The following P2RY14 variants were observed in gnomAD, a reference collection of about 807,000 sequenced individuals.
The protein encoded by P2RY14 is purinergic receptor P2Y14.
P2RY14 carries 2 observed loss-of-function variants against 0.9 expected under a neutral mutation model. That is an observed-to-expected ratio of 2.16 (90% CI 0.88 to 6.79). P2RY14 has a LOEUF of 6.79. P2RY14 is among the 30% of genes most tolerant of loss of function. The probability of loss-of-function intolerance (pLI) is 0.05; values close to 1 mark genes in which losing one functional copy is unlikely to be tolerated. For synonymous variants in P2RY14, 158 were observed against 147.2 expected (o/e 1.07, Z -0.53); for missense variants, 378 against 400.1 (o/e 0.94, Z 0.47).
intron 1 of P2RY14, among the ~76,000 whole-genome samples, chr3:151,222,953 G>A (rs192007773): frequency 3.3e-5 from 5 of 152,182 alleles, no homozygotes; most frequent in South Asian, 2.1e-4. Context: ...TGGTCTCTTG[G>A]AAATGTAAAT....
At chr3:151,230,709 C>T (rs1470744084) in intron 1 of P2RY14, among the ~76,000 whole-genome samples, 3 of 151,956 alleles carry the variant, frequency 2.0e-5, no homozygotes, top group Non-Finnish European at 4.4e-5. Context: ...TGCTCAAAGT[C>T]CTTAATAAAA....
At chr3:151,230,598 A>G (rs1577047384) in intron 1 of P2RY14, among the ~76,000 whole-genome samples, 1 of 144,702 alleles carries the variant, frequency 6.9e-6, no homozygotes, top group Admixed American at 6.9e-5. Context: ...ATGCACTTCC[A>G]CTTCCTTCTA....
intron 1 of P2RY14, among the ~76,000 whole-genome samples, chr3:151,257,880 C>T (rs973675134): frequency 2.0e-5 from 3 of 152,196 alleles, no homozygotes; most frequent in African/African-American, 7.2e-5. Flanking sequence ...CCTTCTCTCT[C>T]CCTACTACAG....
At chr3:151,276,754 C>A (rs775506334) in intron 1 of P2RY14, among the ~76,000 whole-genome samples, 1 of 152,178 alleles carries the variant, frequency 6.6e-6, no homozygotes, top group Non-Finnish European at 1.5e-5. Context: ...GATAGTCACA[C>A]CCTCTGTACC....
rs747854349 is a variant in P2RY14 at position 151,214,327 on chromosome 3, C to T, written c.-11G>A. The T allele has an allele frequency of 6.2e-7, 1 of 1,608,408 alleles. No individual in the cohort carries two copies. The highest frequency in any genetic ancestry group is 1.7e-5 in the Admixed American group (1 of 59,714). Reference sequence around the variant, plus strand: ...GGTTGAATTGATCATCTTGTAACTTCTGAAGGCAGAGGCCTGAAAAGAGGT... The same window carrying T: ...GGTTGAATTGATCATCTTGTAACTTTTGAAGGCAGAGGCCTGAAAAGAGGT... On this transcript the variant is annotated 5_prime_UTR_variant, in exon 3 of 3. Transcript: ENST00000309170.
intron 1 of P2RY14, among the ~76,000 whole-genome samples, chr3:151,226,974 A>C (rs1023738468): frequency 6.6e-6 from 1 of 152,176 alleles, no homozygotes; most frequent in African/African-American, 2.4e-5. Flanking sequence ...CCACACGCAG[A>C]TCCCCTGGGG....
At chr3:151,262,449 C>G (rs1739087759) in intron 1 of P2RY14, among the ~76,000 whole-genome samples, 1 of 152,172 alleles carries the variant, frequency 6.6e-6, no homozygotes, top group African/African-American at 2.4e-5. Context: ...TGGGGTGGCC[C>G]TGACACCTGG....
intron 1 of P2RY14, among the ~76,000 whole-genome samples, chr3:151,270,982 A>G (rs1346714282): frequency 6.6e-6 from 1 of 152,056 alleles, no homozygotes; most frequent in Admixed American, 6.6e-5. Flanking sequence ...TTGCTTTGTT[A>G]GAATAAAACT....
chr3:151,215,958 T>C (rs1728135832), intron 2 of P2RY14, among the ~76,000 whole-genome samples: 1 of 152,264 alleles, frequency 6.6e-6, no homozygotes, highest in Non-Finnish European at 1.5e-5. Context: ...CTAACTTCTC[T>C]TTATCCTCAA....
At chr3:151,223,391 A>G (rs943537775) in intron 1 of P2RY14, among the ~76,000 whole-genome samples, 2 of 152,186 alleles carry the variant, frequency 1.3e-5, no homozygotes, top group African/African-American at 4.8e-5. Context: ...ACCTTCATTC[A>G]CATGTTTATT....
At chr3:151,214,837 T>C (rs912039389) in intron 2 of P2RY14, among the ~76,000 whole-genome samples, 2 of 152,208 alleles carry the variant, frequency 1.3e-5, no homozygotes, top group Non-Finnish European at 2.9e-5. Context: ...AAAAGCAGAA[T>C]TAATGTTTTA....
intron 1 of P2RY14, among the ~76,000 whole-genome samples, chr3:151,240,805 C>T (rs1308568441): frequency 2.0e-5 from 3 of 152,186 alleles, no homozygotes; most frequent in Non-Finnish European, 4.4e-5. Flanking sequence ...TGGACCTGGT[C>T]ATTTCCTTAG....
intron 1 of P2RY14, among the ~76,000 whole-genome samples, chr3:151,260,169 A>G (rs1008221092): frequency 8.5e-5 from 13 of 152,102 alleles, no homozygotes; most frequent in African/African-American, 3.1e-4. Context: ...GGGCTAGTAA[A>G]CTTAATGGAC....
chr3:151,237,551 A>G (rs1331043476), intron 1 of P2RY14, among the ~76,000 whole-genome samples: 2 of 145,218 alleles, frequency 1.4e-5, no homozygotes, highest in African/African-American at 5.1e-5. Context: ...GGGTTTCACC[A>G]TGTTGGCCAG....
intron 1 of P2RY14, among the ~76,000 whole-genome samples, chr3:151,225,015 G>T (rs573784766): frequency 6.6e-6 from 1 of 152,240 alleles, no homozygotes; most frequent in African/African-American, 2.4e-5. Context: ...ATTTACTAGT[G>T]TTATTTAATT....
At chr3:151,235,565 G>A (rs1414702736) in intron 1 of P2RY14, among the ~76,000 whole-genome samples, 2 of 152,030 alleles carry the variant, frequency 1.3e-5, no homozygotes, top group Non-Finnish European at 1.5e-5. Flanking sequence ...TTAGCTGGGC[G>A]TGCCTGTAAT....
At chr3:151,236,031 A>AT (rs1362221156) in intron 1 of P2RY14, among the ~76,000 whole-genome samples, 2 of 152,136 alleles carry the variant, frequency 1.3e-5, no homozygotes, top group Non-Finnish European at 2.9e-5. Flanking sequence ...CCAATCTAAT[A>AT]TTTTTTAACT....
chr3:151,248,297 T>A (rs145014816), intron 1 of P2RY14, among the ~76,000 whole-genome samples: 1 of 152,176 alleles, frequency 6.6e-6, no homozygotes, highest in South Asian at 2.1e-4. Flanking sequence ...AAATTGTGAC[T>A]CACCATTAAA....
At chr3:151,273,251 G>C (rs1432578413) in intron 1 of P2RY14, among the ~76,000 whole-genome samples, 1 of 118,210 alleles carries the variant, frequency 8.5e-6, no homozygotes, top group Non-Finnish European at 1.7e-5. Context: ...TTTTTTTTGA[G>C]ATGGAGTCTT....
Sources: gnomAD v4.1 joint callset for allele counts (sites outside exome capture counted in the v4.1 genomes callset) on GRCh38, gnomAD v4.1.1 for gene constraint, MANE v1.5 for transcripts, NCBI Gene and HGNC (gene_info 2026-07-23, HGNC 2026-07-21) for gene names.